MEIS2: variants seen among roughly 807,000 people sequenced by gnomAD.
The protein encoded by MEIS2 is Meis homeobox 2, also known as homeobox protein Meis2.
MEIS2 carries 9 observed loss-of-function variants against 58.6 expected under a neutral mutation model. That is an observed-to-expected ratio of 0.15 (90% CI 0.09 to 0.27). The LOEUF (loss-of-function observed/expected upper bound fraction) is 0.27. Ranked by LOEUF, MEIS2 falls within the 10% of genes least tolerant of loss-of-function variation. The pLI is 1.00. For synonymous variants in MEIS2, 221 were observed against 228.4 expected, an observed-to-expected ratio of 0.97 and a Z score of 0.29; for missense variants, 427 against 635.0, an observed-to-expected ratio of 0.67 and a Z score of 3.52.
chr15:37,094,464 T>C, intron 5 of MEIS2, 63 bp downstream of exon 5: 2 of 1,536,890 alleles, frequency 1.3e-6, no homozygotes, highest in South Asian at 2.3e-5. Flanking sequence ...GTTAAAAACA[T>C]CCCAACTCAA....
At chr15:37,090,546 T>C (rs1016050861) in intron 6 of MEIS2, among the ~76,000 whole-genome samples, 1 of 152,204 alleles carries the variant, frequency 6.6e-6, no homozygotes, top group Admixed American at 6.5e-5. Context: ...CTTTTATTTA[T>C]TTACATTTTC....
intron 8 of MEIS2, among the ~76,000 whole-genome samples, chr15:36,976,327 A>T (rs745889274): frequency 6.6e-6 from 1 of 151,304 alleles, no homozygotes; most frequent in Non-Finnish European, 1.5e-5. Flanking sequence ...CTTGTGATTC[A>T]CCCGCCTTGG....
intron 9 of MEIS2, among the ~76,000 whole-genome samples, chr15:36,905,688 C>G (rs1353648886): frequency 1.3e-5 from 2 of 152,156 alleles, no homozygotes; most frequent in Non-Finnish European, 2.9e-5. Flanking sequence ...CTATGTGTCA[C>G]ACATTGGTAA....
intron 9 of MEIS2, among the ~76,000 whole-genome samples, chr15:36,940,644 G>A (rs1384704682): frequency 6.6e-6 from 1 of 152,176 alleles, no homozygotes; most frequent in Non-Finnish European, 1.5e-5. Flanking sequence ...AATACTTGGA[G>A]AAGGTAATGA....
At chr15:37,064,567 A>G (rs1253106870) in intron 7 of MEIS2, among the ~76,000 whole-genome samples, 2 of 152,340 alleles carry the variant, frequency 1.3e-5, no homozygotes, top group East Asian at 3.8e-4. Context: ...CTGCTATGCA[A>G]AATGGAATAC....
intron 9 of MEIS2, among the ~76,000 whole-genome samples, chr15:36,929,684 G>A (rs2057893901): frequency 6.6e-6 from 1 of 152,190 alleles, no homozygotes; most frequent in African/African-American, 2.4e-5. Context: ...ACAGCTCCTG[G>A]CACCATGGCA....
chr15:36,906,057 T>C (rs1333868187), intron 9 of MEIS2, among the ~76,000 whole-genome samples: 2 of 152,132 alleles, frequency 1.3e-5, no homozygotes, highest in African/African-American at 4.8e-5. Context: ...AACAAGGAAA[T>C]GGCATGCTGT....
At chr15:36,911,301 A>C (rs1455230604) in intron 9 of MEIS2, among the ~76,000 whole-genome samples, 1 of 151,984 alleles carries the variant, frequency 6.6e-6, no homozygotes, top group Admixed American at 6.6e-5. Flanking sequence ...ATGTATATAT[A>C]CATATATATG....
At chr15:36,994,109 G>A (rs184779465) in intron 8 of MEIS2, among the ~76,000 whole-genome samples, 92 of 152,134 alleles carry the variant, frequency 6.0e-4, no homozygotes, top group African/African-American at 2.2e-3. Context: ...AGTGGTGCTT[G>A]GTATAACCTA....
intron 6 of MEIS2, among the ~76,000 whole-genome samples, chr15:37,086,907 T>A (rs2141929058): frequency 6.6e-6 from 1 of 152,338 alleles, no homozygotes; most frequent in Middle Eastern, 3.4e-3. Flanking sequence ...CCTATTACTT[T>A]TAACAATTTG....
rs71126247 is a variant in MEIS2, at chr15:36,971,537, TAA to T, written c.901-21139_901-21138del. Among the ~76,000 whole-genome samples, 62 of 67,090 alleles carry T rather than the reference TAA, an allele frequency of 9.2e-4. 1 individual carries two copies. Among genetic ancestry groups the T allele is most frequent in the African/African-American group, 4.0e-3 (56 of 14,150 alleles). The allele number at this position is 67,090 out of a possible 152,430, so 44.0% of individuals were successfully genotyped here. ...GTATTACTTGTATGCCTTGTTACAT[TAA>T]AAAAAAAAAAAAAAAAAAAAAAAAA... On this transcript the variant is annotated intron_variant, in intron 8 of 11. Transcript: ENST00000561208.
intron 8 of MEIS2, among the ~76,000 whole-genome samples, chr15:37,011,220 G>T (rs1170786468): frequency 6.6e-6 from 1 of 152,204 alleles, no homozygotes; most frequent in Non-Finnish European, 1.5e-5. Flanking sequence ...ACTTTTCAAA[G>T]TAGTTATCTC....
chr15:36,993,703 C>T (rs1400636177), intron 8 of MEIS2, among the ~76,000 whole-genome samples: 3 of 152,220 alleles, frequency 2.0e-5, no homozygotes, highest in South Asian at 2.1e-4. Flanking sequence ...TCTTAAAAGT[C>T]AAACTCATGT....
At chr15:36,904,283 C>T (rs1355839525) in intron 9 of MEIS2, among the ~76,000 whole-genome samples, 1 of 152,128 alleles carries the variant, frequency 6.6e-6, no homozygotes, top group African/African-American at 2.4e-5. Flanking sequence ...CAGGCATCTC[C>T]TTTGACGCTC....
At chr15:36,958,990 A>C (rs1170051331) in intron 8 of MEIS2, among the ~76,000 whole-genome samples, 1 of 152,176 alleles carries the variant, frequency 6.6e-6, no homozygotes, top group African/African-American at 2.4e-5. Flanking sequence ...GGTTTAGGCT[A>C]TTTAGATTTT....
intron 8 of MEIS2, among the ~76,000 whole-genome samples, chr15:36,985,581 G>A (rs555075719): frequency 9.9e-5 from 15 of 152,182 alleles, no homozygotes; most frequent in African/African-American, 3.6e-4. Flanking sequence ...TTCACAGTCC[G>A]CACTGCCAAT....
At chr15:37,056,623 C>T (rs1157244882) in intron 7 of MEIS2, among the ~76,000 whole-genome samples, 2 of 152,190 alleles carry the variant, frequency 1.3e-5, no homozygotes, top group African/African-American at 4.8e-5. Flanking sequence ...CTGATTACAG[C>T]CCCGCTCACT....
At chr15:36,971,319 C>G (rs1456999993) in intron 8 of MEIS2, among the ~76,000 whole-genome samples, 1 of 151,762 alleles carries the variant, frequency 6.6e-6, no homozygotes. Flanking sequence ...GAGTCAATGT[C>G]TAAGAAATGC....
intron 8 of MEIS2, among the ~76,000 whole-genome samples, chr15:37,005,733 T>G (rs1037379049): frequency 2.0e-5 from 3 of 152,020 alleles, no homozygotes; most frequent in Non-Finnish European, 4.4e-5. Context: ...ATTTTTGTAT[T>G]TTTTTTGTAG....
Sources: allele counts gnomAD v4.1 joint callset (sites outside exome capture counted in the v4.1 genomes callset), GRCh38; gene constraint gnomAD v4.1.1; transcripts MANE v1.5; gene names NCBI Gene and HGNC (gene_info 2026-07-23, HGNC 2026-07-21).